The following DCAF6 variants were observed in gnomAD, a reference collection of about 807,000 sequenced individuals.
The protein encoded by DCAF6 is DDB1- and CUL4-associated factor 6.
A neutral mutation model predicts 125.1 loss-of-function variants in DCAF6; 54 were observed. That is an observed-to-expected ratio of 0.43 (90% CI 0.35 to 0.54). DCAF6 has a LOEUF of 0.54. Ranked by LOEUF, DCAF6 falls within the 20% of genes least tolerant of loss-of-function variation. The pLI, the probability that DCAF6 is intolerant of heterozygous loss-of-function variation, is 0.01. For missense variants in DCAF6, 934 were observed against 1,161.7 expected (o/e 0.80, Z 2.85); for synonymous variants, 371 against 390.4 (o/e 0.95, Z 0.58).
chr1:167,950,493 C>T (rs570983997), intron 1 of DCAF6, among the ~76,000 whole-genome samples: 2 of 152,044 alleles, frequency 1.3e-5, no homozygotes, highest in Non-Finnish European at 2.9e-5. Context: ...CATAATTATC[C>T]ATAATTTTTT....
intron 10 of DCAF6, among the ~76,000 whole-genome samples, chr1:168,011,633 A>G (rs183946836): frequency 1.7e-3 from 266 of 152,340 alleles, no homozygotes; most frequent in African/African-American, 6.0e-3. Flanking sequence ...TAAATGGGAT[A>G]AAGGTCTAGT....
intron 3 of DCAF6, among the ~76,000 whole-genome samples, chr1:167,969,992 G>A (rs986475065): frequency 6.6e-6 from 1 of 152,134 alleles, no homozygotes; most frequent in Admixed American, 6.5e-5. Flanking sequence ...GGCCAGGCTG[G>A]TCTCGAACTC....
chr1:167,945,646 T>C (rs1672956428), intron 1 of DCAF6, among the ~76,000 whole-genome samples: 1 of 151,930 alleles, frequency 6.6e-6, no homozygotes, highest in Admixed American at 6.6e-5. Context: ...TGCGCACCAC[T>C]ATGCCCAGCT....
chr1:167,867,856 T>G, the DCAF6 span, among the ~76,000 whole-genome samples: 3 of 152,020 alleles, frequency 2.0e-5, no homozygotes, highest in Admixed American at 6.5e-5. Flanking sequence ...GTGTAATTAC[T>G]GGTCTTGTGT....
chr1:167,882,354 G>A, the DCAF6 span, among the ~76,000 whole-genome samples: 5 of 151,734 alleles, frequency 3.3e-5, no homozygotes, highest in East Asian at 1.9e-4. Context: ...GTGTGGTGGC[G>A]CATGCCTGTA....
At chr1:167,931,100 T>C (rs117470078), upstream of DCAF6, among the ~76,000 whole-genome samples, 129 of 152,242 alleles carry the variant, frequency 8.5e-4, 1 homozygote, top group East Asian at 0.019. Context: ...CCCAGCTAAA[T>C]TTCGTATTTT....
At chr1:167,921,118 A>G in the DCAF6 span, among the ~76,000 whole-genome samples, 1 of 152,132 alleles carries the variant, frequency 6.6e-6, no homozygotes, top group African/African-American at 2.4e-5. Context: ...GTATATGTGC[A>G]GGTTTGTTAC....
chr1:167,925,442 C>CGTGTATATATAT, the DCAF6 span, among the ~76,000 whole-genome samples: 2 of 82,470 alleles, frequency 2.4e-5, no homozygotes, highest in African/African-American at 1.0e-4. Flanking sequence ...TACATATACA[C>CGTGTATATATAT]ATATATATAT....
chr1:167,979,066 T>C (rs1240507096), intron 4 of DCAF6, among the ~76,000 whole-genome samples: 1 of 152,236 alleles, frequency 6.6e-6, no homozygotes, highest in Non-Finnish European at 1.5e-5. Context: ...GAAGATATTC[T>C]TCTACTTTAA....
chr1:168,059,046 T>G (rs1691260950), intron 17 of DCAF6, among the ~76,000 whole-genome samples: 1 of 152,224 alleles, frequency 6.6e-6, no homozygotes, highest in Non-Finnish European at 1.5e-5. Flanking sequence ...ATGAACCATT[T>G]TTAATTTTCA....
chr1:167,909,075 C>T, the DCAF6 span, among the ~76,000 whole-genome samples: 1 of 152,218 alleles, frequency 6.6e-6, no homozygotes, highest in Non-Finnish European at 1.5e-5. Flanking sequence ...CACTACCCTT[C>T]TCTTTTCCCT....
the DCAF6 span, among the ~76,000 whole-genome samples, chr1:167,925,029 T>C: frequency 6.6e-6 from 1 of 152,128 alleles, no homozygotes; most frequent in African/African-American, 2.4e-5. Context: ...AGTATGCAGG[T>C]TTTGAAAAGT....
chr1:167,925,478 T>TATATATATATATATATATATAC, the DCAF6 span, among the ~76,000 whole-genome samples: 1 of 122,624 alleles, frequency 8.2e-6, no homozygotes, highest in Admixed American at 8.2e-5. Flanking sequence ...TATATATACA[T>TATATATATATATATATATATAC]ATACATATAC....
At chr1:168,027,627 A>G (rs977242436) in intron 12 of DCAF6, among the ~76,000 whole-genome samples, 16 of 152,090 alleles carry the variant, frequency 1.1e-4, no homozygotes, top group African/African-American at 3.9e-4. Context: ...ATCATTTTAT[A>G]TGTTGTTTAA....
chr1:167,930,455 A>G, the DCAF6 span, among the ~76,000 whole-genome samples: 1 of 152,208 alleles, frequency 6.6e-6, no homozygotes, highest in South Asian at 2.1e-4. Context: ...TAATCCAACA[A>G]GGATAAAAAA....
chr1:167,942,096 G>A (rs930812921), intron 1 of DCAF6, among the ~76,000 whole-genome samples: 6 of 151,972 alleles, frequency 3.9e-5, no homozygotes, highest in Admixed American at 2.6e-4. Flanking sequence ...ACGGAGTTTC[G>A]CTCTTGTCGC....
rs557267207 is a variant in DCAF6 at position 167,961,278 on chromosome 1, T to C, written c.160-5351T>C. Reference sequence around the variant, plus strand: ...TTTGTTTTGAAACAGAGTCTTGCTCTGTCGCCCAGGCTGGAGTGCAGTGGC... The same window carrying C: ...TTTGTTTTGAAACAGAGTCTTGCTCCGTCGCCCAGGCTGGAGTGCAGTGGC... On this transcript the variant is annotated intron_variant, in intron 2 of 21. Coordinates refer to ENST00000367840, the MANE Select transcript of DCAF6 (RefSeq NM_001198956.2). 1.2e-4 allele frequency among the ~76,000 whole-genome samples: 19 copies of C among 152,302 alleles called. No individual in the cohort carries two copies. In the South Asian group the frequency reaches 3.7e-3, roughly 30 times the overall value.
At chr1:167,988,831 A>T (rs6697465) in intron 5 of DCAF6, among the ~76,000 whole-genome samples, 16,473 of 152,226 alleles carry the variant, frequency 0.11, 1,005 homozygotes, top group African/African-American at 0.16. Flanking sequence ...CTCTAATCCC[A>T]GCACTTTGGG....
At chr1:167,993,487 C>T (rs527979006) in intron 7 of DCAF6, 47 bp downstream of exon 7, 126 of 1,520,210 alleles carry the variant, frequency 8.3e-5, no homozygotes, top group Admixed American at 1.5e-4. Context: ...CGGTGGCTCA[C>T]GCCTGTAATC....
Sources: gnomAD v4.1 joint callset for allele counts (sites outside exome capture counted in the v4.1 genomes callset) on GRCh38, gnomAD v4.1.1 for gene constraint, MANE v1.5 for transcripts, NCBI Gene and HGNC (gene_info 2026-07-23, HGNC 2026-07-21) for gene names.